SHANK2: variants seen among roughly 807,000 people sequenced by gnomAD.
SHANK2 encodes the protein SH3 and multiple ankyrin repeat domains 2.
Under a neutral mutation model 133.7 loss-of-function variants are expected in SHANK2, and 43 were observed. The observed-to-expected ratio is 0.32, with a 90% confidence interval of 0.25 to 0.41. The LOEUF (loss-of-function observed/expected upper bound fraction) is 0.41. SHANK2 is among the 10% of genes least tolerant of loss of function. SHANK2 has a pLI of 1.00. For missense variants in SHANK2, 1,994 were observed against 2,235.8 expected (o/e 0.89, Z 2.18); for synonymous variants, 1,017 against 952.8 (o/e 1.07, Z -1.24).
chr11:70,807,006 G>A lies in SHANK2; in HGVS notation c.1659C>T (p.Val553=), dbSNP rs1191374180. The stretch of plus-strand genomic sequence containing the variant: ...GGACAACCAGCAGACACTGACCTTT[G>A]ACCCTGTCACCGCGGTGAAGGGGGA... ...GEIPLHRGDR[V]KVLSIGEGGF... is the part of the protein sequence containing the mutation. Residue 553 remains valine (V), a synonymous_variant, in exon 13 of 26, where the codon GTC becomes GTT. Coordinates refer to ENST00000601538, the MANE Select transcript of SHANK2 (RefSeq NM_012309.5). This position sits in a 1 kb window ranked among gnomAD's most constrained non-coding sequence, Gnocchi z 4.8. The A allele has an allele frequency of 4.2e-6, 3 of 717,386 alleles. No homozygotes were observed. In the African/African-American group the frequency reaches 5.2e-5, roughly 13 times the overall value. 44.4% of individuals were successfully genotyped at this position (717,386 alleles called of 1,614,324 possible). A position where few individuals can be genotyped will look rare whatever the true frequency, so the allele number is the denominator to read the frequency against.
At chr11:71,083,979 T>TA (rs1555092236) in intron 8 of SHANK2, among the ~76,000 whole-genome samples, 4 of 147,706 alleles carry the variant, frequency 2.7e-5, no homozygotes, top group Non-Finnish European at 6.0e-5. Context: ...AACTTTTTTT[T>TA]GGGGGGGGGA....
rs373020532 is a variant in SHANK2 at position 70,937,515 on chromosome 11, C to T, written c.1108-40948G>A. ...CCTACAACTTCCTGAGGACATTTAC[C>T]TTCATCAATTGGTGGCCAATGCACC... is the stretch of plus-strand genomic sequence containing the variant. On this transcript the variant is annotated intron_variant, in intron 10 of 25. Coordinates refer to ENST00000601538, the MANE Select transcript of SHANK2 (RefSeq NM_012309.5). 5.8e-4 allele frequency among the ~76,000 whole-genome samples: 89 copies of T among 152,292 alleles called. 2 individuals are homozygous for T. Among genetic ancestry groups the T allele is most frequent in the Middle Eastern group, 3.4e-3 (1 of 294 alleles).
At chr11:71,164,949 G>A (rs1250111309) in intron 2 of SHANK2, among the ~76,000 whole-genome samples, 2 of 152,160 alleles carry the variant, frequency 1.3e-5, no homozygotes, top group South Asian at 4.1e-4. Flanking sequence ...ATTTAAGCTG[G>A]AGGTGGGTTC....
chr11:71,110,109 C>T, intron 5 of SHANK2, 60 bp from the exon 6 acceptor site: 2 of 1,222,152 alleles, frequency 1.6e-6, no homozygotes, highest in South Asian at 1.3e-5. Flanking sequence ...ACCTGAGCAA[C>T]AAAGTGAGAC....
At chr11:70,701,487 T>A (rs1591763208) in intron 14 of SHANK2, among the ~76,000 whole-genome samples, 1 of 152,172 alleles carries the variant, frequency 6.6e-6, no homozygotes, top group Non-Finnish European at 1.5e-5. Flanking sequence ...CTGTAAGCTC[T>A]GCCTTCCAGG....
chr11:70,578,000 C>A (rs2136210829), intron 17 of SHANK2, among the ~76,000 whole-genome samples: 1 of 152,214 alleles, frequency 6.6e-6, no homozygotes, highest in South Asian at 2.1e-4. Flanking sequence ...GAGGAACCAG[C>A]CCTGTTCCAT....
chr11:70,643,919 G>T (rs141043460), intron 17 of SHANK2, among the ~76,000 whole-genome samples: 196 of 150,298 alleles, frequency 1.3e-3, no homozygotes, highest in African/African-American at 4.4e-3. Context: ...GCAGGTGGAG[G>T]GGGGGGAGGA....
At chr11:70,691,179 G>A (rs1945282237) in intron 15 of SHANK2, among the ~76,000 whole-genome samples, 1 of 152,134 alleles carries the variant, frequency 6.6e-6, no homozygotes, top group South Asian at 2.1e-4. Context: ...GGGTCCCTGG[G>A]GCAGCCGGAC....
At chr11:70,877,643 C>A (rs56226005) in intron 11 of SHANK2, among the ~76,000 whole-genome samples, 12 of 152,230 alleles carry the variant, frequency 7.9e-5, no homozygotes, top group Admixed American at 7.8e-4. Flanking sequence ...AACATGAACA[C>A]CTTTGGCCAC....
chr11:71,166,791 T>C (rs113936504), intron 2 of SHANK2, among the ~76,000 whole-genome samples: 36,753 of 142,820 alleles, frequency 0.26, 4,866 homozygotes, highest in African/African-American at 0.35. Context: ...CCCACACTTC[T>C]TTTTTTTTTT....
At chr11:70,691,388 C>A (rs899735799) in intron 15 of SHANK2, among the ~76,000 whole-genome samples, 2 of 152,076 alleles carry the variant, frequency 1.3e-5, no homozygotes, top group Admixed American at 1.3e-4. Context: ...CTGTCCATCA[C>A]AATAGAGACC....
intron 11 of SHANK2, among the ~76,000 whole-genome samples, chr11:70,887,776 A>G (rs1949769377): frequency 6.6e-6 from 1 of 152,144 alleles, no homozygotes; most frequent in Non-Finnish European, 1.5e-5. Flanking sequence ...TTGAAGCACC[A>G]ACATCCACCC....
intron 21 of SHANK2, among the ~76,000 whole-genome samples, chr11:70,496,369 G>A (rs1183423871): frequency 6.6e-6 from 1 of 152,178 alleles, no homozygotes; most frequent in East Asian, 1.9e-4. Flanking sequence ...ACTGCACACT[G>A]AGGGTCTGCT....
intron 3 of SHANK2, among the ~76,000 whole-genome samples, chr11:71,119,628 C>T (rs1187719102): frequency 2.7e-5 from 4 of 150,862 alleles, no homozygotes; most frequent in Admixed American, 6.6e-5. Context: ...TTTTGGTCAT[C>T]AATGACCACC....
rs112375250 is a variant in SHANK2 at position 70,650,050 on chromosome 11, C to T, written c.2061+9778G>A. On this transcript the variant is annotated intron_variant, in intron 17 of 25. Transcript: ENST00000601538. ...TGGATAGTAAGTCAGTCACCTAACA[C>T]GGGAGATGTATGATTCCTATGGTCA... 5.3e-3 allele frequency among the ~76,000 whole-genome samples: 814 copies of T among 152,258 alleles called. 9 individuals carry two copies. The highest frequency in any genetic ancestry group is 0.019 in the African/African-American group (774 of 41,538).
intron 10 of SHANK2, among the ~76,000 whole-genome samples, chr11:70,943,246 G>A (rs782606763): frequency 2.6e-5 from 4 of 152,148 alleles, no homozygotes; most frequent in Non-Finnish European, 4.4e-5. Context: ...CCCTGTTGGA[G>A]GTGGCTCAGC....
chr11:70,724,689 G>C (rs533478522), intron 14 of SHANK2, among the ~76,000 whole-genome samples: 1 of 152,256 alleles, frequency 6.6e-6, no homozygotes, highest in Non-Finnish European at 1.5e-5. Flanking sequence ...ACCACGTCCT[G>C]TGGAGAGCTG....
At chr11:71,172,370 C>T (rs1239421267) in intron 2 of SHANK2, among the ~76,000 whole-genome samples, 21 of 152,052 alleles carry the variant, frequency 1.4e-4, no homozygotes, top group African/African-American at 2.2e-4. Context: ...CCAGCACTTG[C>T]GAGCGAATCA....
rs945650264 is a variant in SHANK2, at chr11:71,102,542, C to T, written c.592+7399G>A. 1.6e-4 allele frequency among the ~76,000 whole-genome samples: 25 copies of T among 152,218 alleles called. 2 individuals are homozygous for T. Among genetic ancestry groups the T allele is most frequent in the Non-Finnish European group, 1.5e-5 (1 of 68,048 alleles). On this transcript the variant is annotated intron_variant, in intron 6 of 25. Transcript: ENST00000601538. Reference sequence around the variant, plus strand: ...GGCTGCTTTCAACTCTAAGCACAGACTCTGCTGTCCCCTGGGTGGCTTTGA... The same window carrying T: ...GGCTGCTTTCAACTCTAAGCACAGATTCTGCTGTCCCCTGGGTGGCTTTGA...
Sources: gnomAD v4.1 joint callset for allele counts (sites outside exome capture counted in the v4.1 genomes callset) on GRCh38, gnomAD v4.1.1 for gene constraint, Gnocchi (gnomAD v3.1) non-coding constraint, MANE v1.5 for transcripts, NCBI Gene and HGNC (gene_info 2026-07-23, HGNC 2026-07-21) for gene names.